The following PRKAA1 variants were observed in gnomAD, a reference collection of about 807,000 sequenced individuals.
The protein encoded by PRKAA1 is protein kinase AMP-activated catalytic subunit alpha 1, also known as 5'-AMP-activated protein kinase catalytic subunit alpha-1.
In PRKAA1, 23 loss-of-function variants were observed where a neutral mutation model predicts 56.9. The ratio of observed to expected loss-of-function variants is 0.40; its 90% confidence interval spans 0.29 to 0.57. The LOEUF is 0.57. Ranked by LOEUF, PRKAA1 falls within the 20% of genes least tolerant of loss-of-function variation. PRKAA1 has a pLI of 0.39. For synonymous variants in PRKAA1, 226 were observed against 227.0 expected (o/e 1.00, Z 0.04); for missense variants, 413 against 679.7 (o/e 0.61, Z 4.36).
chr5:40,777,355 G>A (rs1171519399), intron 2 of PRKAA1, 90 bp downstream of exon 2: 3 of 1,380,566 alleles, frequency 2.2e-6, no homozygotes, highest in African/African-American at 1.5e-5. Context: ...AAAAAGAAGT[G>A]TCAGTCATTT....
At chr5:40,779,914 T>G (rs1744192515) in intron 1 of PRKAA1, among the ~76,000 whole-genome samples, 1 of 90,694 alleles carries the variant, frequency 1.1e-5, no homozygotes, top group Non-Finnish European at 2.7e-5. Context: ...GTGCATAAAA[T>G]GAATTAGAAT....
rs546238399 is a variant in PRKAA1, at chr5:40,790,525, C to CTCT, written c.127+7537_127+7538insAGA. On this transcript the variant is annotated intron_variant, in intron 1 of 8. Transcript: ENST00000397128. ...ATAGTCTATCAGGAGTCAACTCTTT[C>CTCT]TTTTTTTTTTTTTTTGTTGTTGTTG... Among the ~76,000 whole-genome samples, 142 of 112,038 alleles carry CTCT rather than the reference C, an allele frequency of 1.3e-3. 11 individuals carry two copies. The highest frequency in any genetic ancestry group is 2.4e-3 in the South Asian group (8 of 3,384). The allele number at this position is 112,038 out of a possible 152,430, so 73.5% of individuals were successfully genotyped here.
At chr5:40,763,121 A>G in intron 8 of PRKAA1, 99 bp from the exon 9 acceptor site, 1 of 1,154,850 alleles carries the variant, frequency 8.7e-7, no homozygotes, top group South Asian at 1.4e-5. Flanking sequence ...GCTGCTGGCC[A>G]GCTATCAAGA....
At chr5:40,771,459 G>A (rs540479924) in intron 4 of PRKAA1, among the ~76,000 whole-genome samples, 8 of 152,310 alleles carry the variant, frequency 5.3e-5, no homozygotes, top group Admixed American at 2.6e-4. Flanking sequence ...CTATGATCAC[G>A]TCGCTGCCCT....
chr5:40,768,800 CA>C (rs1320497144), intron 5 of PRKAA1: 2 of 1,442,018 alleles, frequency 1.4e-6, no homozygotes, highest in Admixed American at 2.8e-5. Context: ...TAGTGAAGGA[CA>C]AAGAGTTATT....
intron 1 of PRKAA1, among the ~76,000 whole-genome samples, 189 bp downstream of exon 1, chr5:40,797,874 C>A (rs1308919927): frequency 1.3e-5 from 2 of 152,124 alleles, no homozygotes; most frequent in Non-Finnish European, 2.9e-5. Flanking sequence ...ACCCCCACCC[C>A]CACCCGGCCT....
chr5:40,797,435 A>T (rs1250587066), intron 1 of PRKAA1, among the ~76,000 whole-genome samples: 3 of 152,222 alleles, frequency 2.0e-5, no homozygotes, highest in Non-Finnish European at 4.4e-5. Flanking sequence ...ATGCATCGCA[A>T]ATACTGAACC....
chr5:40,769,714 T>TA lies in PRKAA1; in HGVS notation c.509-212dup, dbSNP rs577251768. ...TCAACATTTAAAGTTAGTGCACTGTTAGAGTTTAATACAAATATATTAAGC... is the reference window on the plus strand; with the variant it reads ...TCAACATTTAAAGTTAGTGCACTGTTAAGAGTTTAATACAAATATATTAAGC... On this transcript the variant is annotated intron_variant, in intron 4 of 8. Coordinates refer to ENST00000397128, the MANE Select transcript of PRKAA1 (RefSeq NM_006251.6). Among the ~76,000 whole-genome samples, 631 of 152,230 alleles carry TA rather than the reference T, an allele frequency of 4.1e-3. 4 individuals carry two copies. The highest frequency in any genetic ancestry group is 0.014 in the African/African-American group (602 of 41,548).
intron 1 of PRKAA1, among the ~76,000 whole-genome samples, chr5:40,777,843 C>T (rs1366239670): frequency 1.3e-5 from 2 of 151,936 alleles, no homozygotes; most frequent in African/African-American, 4.8e-5. Context: ...GAGGCCGAGG[C>T]GGGCAGATCA....
chr5:40,787,418 T>A (rs183922070), intron 1 of PRKAA1, among the ~76,000 whole-genome samples: 20 of 152,012 alleles, frequency 1.3e-4, no homozygotes, highest in Admixed American at 9.8e-4. Context: ...TGAGCCAAGA[T>A]CACGCCACTG....
intron 1 of PRKAA1, among the ~76,000 whole-genome samples, chr5:40,780,549 C>T (rs1744226172): frequency 6.6e-6 from 1 of 152,036 alleles, no homozygotes; most frequent in Admixed American, 6.6e-5. Flanking sequence ...CAGGACAGGT[C>T]ATTTTCAAGC....
At chr5:40,763,174 G>C (rs1335416616) in intron 8 of PRKAA1, 152 bp from the exon 9 acceptor site, 2 of 739,068 alleles carry the variant, frequency 2.7e-6, no homozygotes, top group African/African-American at 3.6e-5. Flanking sequence ...CAATGAGCCT[G>C]TATTAAACTA....
intron 1 of PRKAA1, among the ~76,000 whole-genome samples, chr5:40,788,020 A>T (rs115570870): frequency 6.6e-6 from 1 of 152,236 alleles, no homozygotes; most frequent in African/African-American, 2.4e-5. Flanking sequence ...TACAAATGCA[A>T]ACAAAAAGAG....
intron 3 of PRKAA1, 34 bp from the exon 4 acceptor site, chr5:40,771,897 G>A: frequency 6.3e-7 from 1 of 1,590,836 alleles, no homozygotes; most frequent in Non-Finnish European, 8.5e-7. Context: ...TTAAAGGTGT[G>A]TCTTTCAAAG....
Position 40,760,437 on chromosome 5 carries a change from C to T in PRKAA1, c.*2341G>A, listed in dbSNP as rs907317973. ...TCCTCCTTTTCTTCCCCCCTCCCCACAACAGCGTATATAGCGCCATTACTT... is the reference window on the plus strand; with the variant it reads ...TCCTCCTTTTCTTCCCCCCTCCCCATAACAGCGTATATAGCGCCATTACTT... On this transcript the variant is annotated 3_prime_UTR_variant, in exon 9 of 9. Coordinates refer to ENST00000397128, the MANE Select transcript of PRKAA1 (RefSeq NM_006251.6). 2 of 152,716 alleles carry T rather than the reference C, an allele frequency of 1.3e-5. No homozygotes were observed. Among genetic ancestry groups the T allele is most frequent in the East Asian group, 1.9e-4 (1 of 5,340 alleles). The allele number at this position is 152,716 out of a possible 1,614,324, so 9.5% of individuals were successfully genotyped here. A position where few individuals can be genotyped will look rare whatever the true frequency, so the allele number is the denominator to read the frequency against.
intron 1 of PRKAA1, among the ~76,000 whole-genome samples, chr5:40,785,718 AG>A (rs1744439145): frequency 6.6e-6 from 1 of 152,164 alleles, no homozygotes; most frequent in Middle Eastern, 3.2e-3. Context: ...ATTTGGAAAT[AG>A]GATCTTTTCA....
rs867721727 is a variant in PRKAA1, at chr5:40,777,192, T to C, written c.269+253A>G. 2.4e-5 allele frequency: 6 copies of C among 247,492 alleles called. No individual in the cohort carries two copies. In the South Asian group the frequency reaches 2.5e-4, roughly 10 times the overall value. 15.3% of individuals were successfully genotyped at this position (247,492 alleles called of 1,614,324 possible). A position where few individuals can be genotyped will look rare whatever the true frequency, so the allele number is the denominator to read the frequency against. ...CATGCCCAGCTAATTTTTGTATTTTTACTGGAGACAGGGTTTCACCATGTT... is the reference window on the plus strand; with the variant it reads ...CATGCCCAGCTAATTTTTGTATTTTCACTGGAGACAGGGTTTCACCATGTT... On this transcript the variant is annotated intron_variant, in intron 2 of 8. Coordinates refer to ENST00000397128, the MANE Select transcript of PRKAA1 (RefSeq NM_006251.6).
In PRKAA1 at chr5:40,766,163, T is replaced by C. The variant is rs1387651356; in HGVS notation, c.822-925A>G. ...TTAGAGAATGATTTGTCCTTTCCCTTTGGTGATAAAATCATGCCGTGCCAT... is the reference window on the plus strand; with the variant it reads ...TTAGAGAATGATTTGTCCTTTCCCTCTGGTGATAAAATCATGCCGTGCCAT... On this transcript the variant is annotated intron_variant, in intron 6 of 8. Transcript: ENST00000397128. Among the ~76,000 whole-genome samples, 3 of 152,214 alleles carry C rather than the reference T, an allele frequency of 2.0e-5. No homozygotes were observed. In the East Asian group the frequency reaches 5.8e-4, roughly 29 times the overall value.
intron 1 of PRKAA1, among the ~76,000 whole-genome samples, chr5:40,778,159 G>C (rs113702017): frequency 0.03 from 4,599 of 152,240 alleles, 77 homozygotes; most frequent in East Asian, 0.064. Context: ...TGAAGCAGGA[G>C]AATCACTTGA....
Sources: gnomAD v4.1 joint callset for allele counts (sites outside exome capture counted in the v4.1 genomes callset) on GRCh38, gnomAD v4.1.1 for gene constraint, MANE v1.5 for transcripts, NCBI Gene and HGNC (gene_info 2026-07-23, HGNC 2026-07-21) for gene names.